SERINC3: variants seen among roughly 807,000 people sequenced by gnomAD.
The protein encoded by SERINC3 is tumor differentially expressed protein 1.
In SERINC3, 22 loss-of-function variants were observed where a neutral mutation model predicts 52.1. The observed-to-expected ratio is 0.42, with a 90% confidence interval of 0.30 to 0.60. SERINC3 has a LOEUF of 0.60. Among genes scored for constraint, SERINC3 ranks in the 20% least tolerant of loss-of-function variants. SERINC3 has a pLI of 0.16. For synonymous variants in SERINC3, 226 were observed against 212.7 expected, an observed-to-expected ratio of 1.06 and a Z score of -0.54; for missense variants, 564 against 584.6, an observed-to-expected ratio of 0.96 and a Z score of 0.36.
intron 7 of SERINC3, among the ~76,000 whole-genome samples, 173 bp from the exon 8 acceptor site, chr20:44,504,168 A>C (rs1002047624): frequency 7.9e-5 from 12 of 152,254 alleles, no homozygotes; most frequent in Admixed American, 7.2e-4. Flanking sequence ...AATCAATGAC[A>C]GAATTAGGAA....
Position 44,513,974 on chromosome 20 carries a change from T to C in SERINC3, c.106A>G (p.Thr36Ala). ...CSCCPNSKNSTVTRLIYAFIL... is the reference protein window; with the variant it reads ...CSCCPNSKNSAVTRLIYAFIL... Reference sequence around the variant, plus strand: ...AAAGCATAAATGAGGCGAGTCACCGTGGAATTCTTACTGTTAGGACAGCAA... The same window carrying C: ...AAAGCATAAATGAGGCGAGTCACCGCGGAATTCTTACTGTTAGGACAGCAA... The change falls in exon 2 of 10, where the codon ACG (threonine) becomes GCG (alanine). Residue 36 changes from threonine to alanine, a missense_variant. Transcript: ENST00000342374. 1 of 1,614,110 alleles carries C rather than the reference T, an allele frequency of 6.2e-7. No homozygotes were observed. Among genetic ancestry groups the C allele is most frequent in the Middle Eastern group, 1.6e-4 (1 of 6,062 alleles).
chr20:44,509,715 AGATG>A (rs2064335400), intron 5 of SERINC3, among the ~76,000 whole-genome samples, 172 bp downstream of exon 5: 1 of 152,038 alleles, frequency 6.6e-6, no homozygotes, highest in Non-Finnish European at 1.5e-5. Flanking sequence ...TCTAATGTAA[AGATG>A]GAGTCTCAAT....
chr20:44,510,755 G>C (rs1431932968), intron 4 of SERINC3, among the ~76,000 whole-genome samples: 1 of 152,080 alleles, frequency 6.6e-6, no homozygotes, highest in African/African-American at 2.4e-5. Flanking sequence ...AGGTTGCAGT[G>C]AGCTGAGATC....
Position 44,522,014 on chromosome 20 carries a change from A to C in SERINC3, c.-63T>G. ...GCTTTCTAACACGGTGGTAACTGCC[A>C]GCTGAGGTGACTCCCCAGAAACATG... is the stretch of plus-strand genomic sequence containing the variant. On this transcript the variant is annotated 5_prime_UTR_variant, in exon 1 of 10. Coordinates refer to ENST00000342374, the MANE Select transcript of SERINC3 (RefSeq NM_006811.4). 1 of 1,503,090 alleles carries C rather than the reference A, an allele frequency of 6.7e-7. No individual in the cohort carries two copies. The highest frequency in any genetic ancestry group is 9.1e-7 in the Non-Finnish European group (1 of 1,101,984). 93.1% of individuals were successfully genotyped at this position (1,503,090 alleles called of 1,614,324 possible). A position where few individuals can be genotyped will look rare whatever the true frequency, so the allele number is the denominator to read the frequency against.
chr20:44,515,364 G>T (rs1242305466), intron 1 of SERINC3, among the ~76,000 whole-genome samples: 2 of 151,996 alleles, frequency 1.3e-5, no homozygotes, highest in Non-Finnish European at 2.9e-5. Context: ...TCTATACAAT[G>T]GCTTATTCAG....
In SERINC3 at chr20:44,500,299, G is replaced by C; in HGVS notation, c.1419C>G (p.Ser473Arg). ...GGTGTCCTTGGCACTCAGAGGTTCA[G>C]CTGAAGTCCCGACTGGTGAGGACAA... ...APLVLTSRDF[S>R] Residue 473 changes from serine to arginine, a missense_variant, in exon 10 of 10, where the codon AGC (serine) becomes AGG (arginine). Ser to Arg is a moderately radical substitution (Grantham distance 110). Coordinates refer to ENST00000342374, the MANE Select transcript of SERINC3 (RefSeq NM_006811.4). 2.5e-6 allele frequency: 4 copies of C among 1,611,834 alleles called. No individual in the cohort carries two copies. The highest frequency in any genetic ancestry group is 2.5e-6 in the Non-Finnish European group (3 of 1,179,066).
chr20:44,515,067 T>C (rs2064371695), intron 1 of SERINC3, among the ~76,000 whole-genome samples: 1 of 152,152 alleles, frequency 6.6e-6, no homozygotes. Flanking sequence ...AAATATGGTA[T>C]ATCTGGCTGG....
In SERINC3 at chr20:44,513,986, T is replaced by G. The variant is rs779176275; in HGVS notation, c.94A>C (p.Ser32Arg). The change falls in exon 2 of 10, where the codon AGT becomes CGT. Residue 32 changes from serine to arginine, a missense_variant. Transcript: ENST00000342374. Reference sequence around the variant, plus strand: ...AGGCGAGTCACCGTGGAATTCTTACTGTTAGGACAGCAACTACACAGCAAA... The same window carrying G: ...AGGCGAGTCACCGTGGAATTCTTACGGTTAGGACAGCAACTACACAGCAAA... ...SCLLCSCCPN[S>R]KNSTVTRLIY... 43 of 1,614,172 alleles carry G rather than the reference T, an allele frequency of 2.7e-5. No homozygotes were observed. Among genetic ancestry groups the G allele is most frequent in the Non-Finnish European group, 3.5e-5 (41 of 1,180,026 alleles).
intron 1 of SERINC3, among the ~76,000 whole-genome samples, chr20:44,520,311 C>A (rs954076350): frequency 6.6e-6 from 1 of 152,110 alleles, no homozygotes; most frequent in African/African-American, 2.4e-5. Context: ...TGAAGAGAGC[C>A]GAGATGGCGC....
At chr20:44,504,363 G>A (rs2064298500) in intron 7 of SERINC3, among the ~76,000 whole-genome samples, 1 of 152,116 alleles carries the variant, frequency 6.6e-6, no homozygotes, top group Admixed American at 6.5e-5. Context: ...ATTGGTGGAA[G>A]GGGGGTCTGC....
intron 3 of SERINC3, 117 bp downstream of exon 3, chr20:44,512,684 G>T: frequency 1.3e-6 from 1 of 745,072 alleles, no homozygotes; most frequent in Non-Finnish European, 2.1e-6. Flanking sequence ...GATCAGAAAT[G>T]CATCTGAGCC....
chr20:44,512,073 G>C (rs974719545), intron 3 of SERINC3, among the ~76,000 whole-genome samples: 1 of 152,176 alleles, frequency 6.6e-6, no homozygotes, highest in Non-Finnish European at 1.5e-5. Flanking sequence ...AGCACTTCAG[G>C]AGGCAAAGGC....
At chr20:44,504,733 C>G (rs531508065) in intron 7 of SERINC3, 68 bp downstream of exon 7, 6 of 1,295,720 alleles carry the variant, frequency 4.6e-6, no homozygotes, top group South Asian at 1.3e-5. Flanking sequence ...AGTTTTTGTA[C>G]CAACTATGTA....
Position 44,506,862 on chromosome 20 carries a change from C to T in SERINC3, c.748G>A (p.Val250Met), listed in dbSNP as rs1270649019. The T allele has an allele frequency of 6.3e-7, 1 of 1,596,026 alleles. No individual in the cohort carries two copies. The highest frequency in any genetic ancestry group is 8.5e-7 in the Non-Finnish European group (1 of 1,172,832). ...GGGTGGATCGATATAATAGAAGCCA[C>T]AACGCAAAGGATCAGGTTAATACTG... is the stretch of plus-strand genomic sequence containing the variant. Reference protein sequence around the residue: ...FISINLILCVVASIISIHPKI... With the variant: ...FISINLILCVMASIISIHPKI... Residue 250 changes from valine (V) to methionine (M), a missense_variant, in exon 6 of 10, where the codon GTG (valine) becomes ATG (methionine). Transcript: ENST00000342374.
chr20:44,510,044 G>A lies in SERINC3; in HGVS notation c.476-16C>T. 6.2e-7 allele frequency: 1 copy of A among 1,612,772 alleles called. No individual in the cohort carries two copies. The highest frequency in any genetic ancestry group is 8.5e-7 in the Non-Finnish European group (1 of 1,178,942). ...ACAAACCAGACTACAAGAACCAAGAGAACAAAGTTATTCTCTACCATAGAG... is the reference window on the plus strand; with the variant it reads ...ACAAACCAGACTACAAGAACCAAGAAAACAAAGTTATTCTCTACCATAGAG... On this transcript the variant is annotated splice_polypyrimidine_tract_variant and intron_variant, in intron 4 of 9. Coordinates refer to ENST00000342374, the MANE Select transcript of SERINC3 (RefSeq NM_006811.4).
At position 44,504,092 on chromosome 20, in the gene SERINC3, G is replaced by T. The variant is rs2064296890; in HGVS notation, c.875-97C>A. 9.4e-6 allele frequency: 9 copies of T among 956,662 alleles called. No individual in the cohort carries two copies. The East Asian group carries it at 2.7e-4, about 29-fold the overall frequency. The allele number at this position is 956,662 out of a possible 1,614,324, so 59.3% of individuals were successfully genotyped here. A position where few individuals can be genotyped will look rare whatever the true frequency, so the allele number is the denominator to read the frequency against. On this transcript the variant is annotated intron_variant, in intron 7 of 9. Coordinates refer to ENST00000342374, the MANE Select transcript of SERINC3 (RefSeq NM_006811.4). ...CCTACATATCATTCAGTCATGATGT[G>T]AAACATGGGAATGCTTTACTTAAAA... is the stretch of plus-strand genomic sequence containing the variant.
chr20:44,517,794 A>T (rs1484101002), intron 1 of SERINC3, among the ~76,000 whole-genome samples: 1 of 152,246 alleles, frequency 6.6e-6, no homozygotes, highest in Admixed American at 6.5e-5. Context: ...TTGTCTTAAG[A>T]ATGTAAATAT....
Position 44,509,937 on chromosome 20 carries a change from T to A in SERINC3, c.567A>T (p.Ser189=), listed in dbSNP as rs747787709. Residue 189 remains serine, a synonymous_variant, in exon 5 of 10, where the codon TCA becomes TCT. Coordinates refer to ENST00000342374, the MANE Select transcript of SERINC3 (RefSeq NM_006811.4). ...LVDFAHSWNE[S]WVNRMEEGNP... ...TTCCTTCTTCCATTCGATTTACCCA[T>A]GATTCATTCCAAGAATGAGCAAAAT... 7 of 1,614,176 alleles carry A rather than the reference T, an allele frequency of 4.3e-6. No individual in the cohort carries two copies. Among genetic ancestry groups the A allele is most frequent in the Non-Finnish European group, 5.9e-6 (7 of 1,180,018 alleles).
chr20:44,501,689 T>C (rs575010630), intron 8 of SERINC3, among the ~76,000 whole-genome samples: 1 of 152,288 alleles, frequency 6.6e-6, no homozygotes, highest in East Asian at 1.9e-4. Context: ...ACATCACCCC[T>C]CACTGGCTAG....
Sources: allele counts gnomAD v4.1 joint callset (sites outside exome capture counted in the v4.1 genomes callset), GRCh38; gene constraint gnomAD v4.1.1; transcripts MANE v1.5; gene names NCBI Gene and HGNC (gene_info 2026-07-23, HGNC 2026-07-21).